PTPN21: variants seen among roughly 807,000 people sequenced by gnomAD.
The protein encoded by PTPN21 is tyrosine-protein phosphatase non-receptor type 21.
In PTPN21, 77 loss-of-function variants were observed where a neutral mutation model predicts 131.8. The observed-to-expected ratio is 0.58, with a 90% confidence interval of 0.49 to 0.71. The LOEUF (loss-of-function observed/expected upper bound fraction) is 0.71. Among genes scored for constraint, PTPN21 ranks in the 30% least tolerant of loss-of-function variants. The probability of loss-of-function intolerance (pLI) is 0.00; values close to 1 mark genes in which losing one functional copy is unlikely to be tolerated. For missense variants in PTPN21, 1,552 were observed against 1,527.1 expected, an observed-to-expected ratio of 1.02 and a Z score of -0.27; for synonymous variants, 715 against 621.3, an observed-to-expected ratio of 1.15 and a Z score of -2.24.
chr14:88,496,382 T>C (rs748582140), intron 10 of PTPN21, 31 bp downstream of exon 10: 12 of 1,541,204 alleles, frequency 7.8e-6, no homozygotes, highest in Non-Finnish European at 1.1e-5. Flanking sequence ...TTCATTATTT[T>C]TGATAATTTC....
rs187309376 is a variant in PTPN21 at position 88,507,314 on chromosome 14, T to C, written c.448+609A>G. ...TATGTATATAGTCATGTGTCAAGGATGGGAATGTGTTGAGAAAGGCATCAT... is the reference window on the plus strand; with the variant it reads ...TATGTATATAGTCATGTGTCAAGGACGGGAATGTGTTGAGAAAGGCATCAT... On this transcript the variant is annotated intron_variant, in intron 4 of 18. Coordinates refer to ENST00000556564, the MANE Select transcript of PTPN21 (RefSeq NM_007039.4). 5.4e-3 allele frequency among the ~76,000 whole-genome samples: 815 copies of C among 152,238 alleles called. 5 individuals are homozygous for C. Among genetic ancestry groups the C allele is most frequent in the African/African-American group, 0.019 (791 of 41,540 alleles).
Position 88,479,150 on chromosome 14 carries a change from T to C in PTPN21, c.2281A>G (p.Lys761Glu). The C allele has an allele frequency of 3.9e-6, 6 of 1,553,260 alleles. No homozygotes were observed. The highest frequency in any genetic ancestry group is 5.2e-6 in the Non-Finnish European group (6 of 1,152,310). ...LAGPLHILEP[K>E]AHVPDAEKRM... The stretch of plus-strand genomic sequence containing the variant: ...TTCTCCGCGTCTGGGACGTGGGCCT[T>C]GGGCTCCAGGATGTGCAGGGGCCCG... The change falls in exon 13 of 19, where the codon AAG (lysine) becomes GAG (glutamate). Residue 761 changes from lysine (K) to glutamate (E), a missense_variant. Physicochemically the swap from Lys to Glu is moderately conservative, Grantham distance 56 (BLOSUM62 1). Coordinates refer to ENST00000556564, the MANE Select transcript of PTPN21 (RefSeq NM_007039.4).
intron 2 of PTPN21, among the ~76,000 whole-genome samples, chr14:88,521,566 CT>C (rs11407992): frequency 0.012 from 1,529 of 131,418 alleles, 20 homozygotes; most frequent in African/African-American, 0.038. Context: ...CCACGCCCAA[CT>C]TTTTTTTTTT....
intron 12 of PTPN21, among the ~76,000 whole-genome samples, chr14:88,483,782 T>G (rs906816439): frequency 4.6e-5 from 7 of 152,082 alleles, no homozygotes; most frequent in Non-Finnish European, 7.3e-5. Flanking sequence ...ATGTGATGAG[T>G]CTCTCTTCCA....
At chr14:88,500,485 T>C (rs1048302175) in intron 8 of PTPN21, among the ~76,000 whole-genome samples, 1 of 152,082 alleles carries the variant, frequency 6.6e-6, no homozygotes, top group Non-Finnish European at 1.5e-5. Context: ...AAATTAAACA[T>C]TCATATCAAA....
At position 88,499,555 on chromosome 14, in the gene PTPN21, T is replaced by C. The variant is rs371304001; in HGVS notation, c.764+1228A>G. Among the ~76,000 whole-genome samples the C allele has an allele frequency of 2.0e-4, 31 of 152,204 alleles. 1 individual carries two copies. Among genetic ancestry groups the C allele is most frequent in the African/African-American group, 7.0e-4 (29 of 41,540 alleles). The stretch of plus-strand genomic sequence containing the variant: ...ATGCCAGTTAATAACTGGGTCACCA[T>C]GGACAAATCACAACTTTTCTAAGCC... On this transcript the variant is annotated intron_variant, in intron 8 of 18. Coordinates refer to ENST00000556564, the MANE Select transcript of PTPN21 (RefSeq NM_007039.4).
chr14:88,544,740 G>A (rs889198799), intron 2 of PTPN21, among the ~76,000 whole-genome samples: 4 of 152,112 alleles, frequency 2.6e-5, no homozygotes, highest in African/African-American at 4.8e-5. Context: ...CTGAAGCACC[G>A]CGCAGAGGAA....
At position 88,480,156 on chromosome 14, in the gene PTPN21, G is replaced by A. The variant is rs1462929169; in HGVS notation, c.1275C>T (p.Asp425=). The stretch of plus-strand genomic sequence containing the variant: ...ACGGGAGGTAGTCAGGCCTCATGAC[G>A]TCACTCCCGGTGATGCTAGGGTTGG... ...MSSNPSITGS[D]VMRPDYLPSH... is the part of the protein sequence containing the mutation. The change falls in exon 13 of 19, where the codon GAC becomes GAT. Residue 425 remains aspartate, a synonymous_variant. Transcript: ENST00000556564. The A allele has an allele frequency of 1.9e-6, 3 of 1,614,142 alleles. No homozygotes were observed. The highest frequency in any genetic ancestry group is 1.3e-5 in the African/African-American group (1 of 75,038).
chr14:88,468,302 C>T, intron 18 of PTPN21, 37 bp from the exon 19 acceptor site: 4 of 1,549,020 alleles, frequency 2.6e-6, no homozygotes, highest in Non-Finnish European at 3.5e-6. Flanking sequence ...ATAATGTGTT[C>T]CCCTGGGGAG....
chr14:88,518,400 A>G (rs2078328147), intron 2 of PTPN21, among the ~76,000 whole-genome samples: 1 of 19,844 alleles, frequency 5.0e-5, no homozygotes, highest in Admixed American at 1.2e-3. Context: ...ATATATATAT[A>G]TATATATATA....
At position 88,479,494 on chromosome 14, in the gene PTPN21, C is replaced by T; in HGVS notation, c.1937G>A (p.Gly646Asp). 1 of 1,601,506 alleles carries T rather than the reference C, an allele frequency of 6.2e-7. No individual in the cohort carries two copies. Residue 646 changes from glycine (G) to aspartate (D), a missense_variant, in exon 13 of 19, where the codon GGC (glycine) becomes GAC (aspartate). Physicochemically the swap from Gly to Asp is moderately conservative, Grantham distance 94 (BLOSUM62 -1). Transcript: ENST00000556564. The part of the protein sequence containing the change: ...NSIEVAGLSH[G>D]LEGLRLKERT... ...CTCCTTGAGCCGCAGGCCCTCCAGG[C>T]CGTGGCTGAGCCCGGCCACCTCGAT...
rs761681751 is a variant in PTPN21 at position 88,480,057 on chromosome 14, G to A, written c.1374C>T (p.Leu458=). 1.2e-6 allele frequency: 2 copies of A among 1,614,080 alleles called. No homozygotes were observed. Among genetic ancestry groups the A allele is most frequent in the Admixed American group, 1.7e-5 (1 of 60,024 alleles). ...GTTCCGCATGCACCAGGCCCCTGTT[G>A]AGCTGCTTCATCACAGTCTCATAGT... ...TPDYETVMKQ[L]NRGLVHAERQ... Residue 458 remains leucine (L), a synonymous_variant, in exon 13 of 19, where the codon CTC becomes CTT. Coordinates refer to ENST00000556564, the MANE Select transcript of PTPN21 (RefSeq NM_007039.4).
chr14:88,468,829 G>A (rs992643490), intron 18 of PTPN21, 87 bp downstream of exon 18: 39 of 1,539,882 alleles, frequency 2.5e-5, no homozygotes, highest in Admixed American at 6.7e-5. Flanking sequence ...GGAAATGTGC[G>A]CAAAAAGAGC....
At chr14:88,548,159 C>T (rs2078809374) in intron 2 of PTPN21, among the ~76,000 whole-genome samples, 1 of 152,168 alleles carries the variant, frequency 6.6e-6, no homozygotes, top group Non-Finnish European at 1.5e-5. Flanking sequence ...TATCCAACTC[C>T]AGGTGGCTAC....
intron 8 of PTPN21, among the ~76,000 whole-genome samples, chr14:88,499,099 C>A (rs186205769): frequency 2.0e-5 from 3 of 152,238 alleles, no homozygotes; most frequent in Non-Finnish European, 1.5e-5. Context: ...TCAGGTGAAG[C>A]CACGGATCCA....
At chr14:88,526,464 C>A (rs148130148) in intron 2 of PTPN21, among the ~76,000 whole-genome samples, 4 of 135,262 alleles carry the variant, frequency 3.0e-5, no homozygotes, top group African/African-American at 8.2e-5. Flanking sequence ...GCAGGAGAAT[C>A]GCTTGAACCT....
chr14:88,517,850 G>A (rs2078304252), intron 2 of PTPN21, among the ~76,000 whole-genome samples: 1 of 142,626 alleles, frequency 7.0e-6, no homozygotes, highest in Non-Finnish European at 1.5e-5. Flanking sequence ...CTATATATAT[G>A]GTATATATAT....
intron 13 of PTPN21, among the ~76,000 whole-genome samples, chr14:88,477,287 GCCAGGTGTGGTGGCTCACACCTGTAATC>G (rs1166231520): frequency 6.6e-6 from 1 of 151,384 alleles, no homozygotes; most frequent in Non-Finnish European, 1.5e-5. Context: ...GCAAATTTAG[GCCAGGTGTGGTGGCTCACACCTGTAATC>G]CCAGCACTTT....
intron 15 of PTPN21, 82 bp downstream of exon 15, chr14:88,472,160 AAC>A: frequency 1.3e-6 from 1 of 786,566 alleles, no homozygotes; most frequent in East Asian, 2.5e-5. Context: ...CTGAATTCTA[AAC>A]AGACATGAAT....
Sources: allele counts gnomAD v4.1 joint callset (sites outside exome capture counted in the v4.1 genomes callset), GRCh38; gene constraint gnomAD v4.1.1; transcripts MANE v1.5; gene names NCBI Gene and HGNC (gene_info 2026-07-23, HGNC 2026-07-21).